CACNA1C: variants seen among roughly 807,000 people sequenced by gnomAD.
The protein encoded by CACNA1C is calcium voltage-gated channel subunit alpha1 C.
Under a neutral mutation model 229.0 loss-of-function variants are expected in CACNA1C, and 30 were observed. The observed-to-expected ratio is 0.13, with a 90% confidence interval of 0.10 to 0.18. CACNA1C has a LOEUF of 0.18. Among genes scored for constraint, CACNA1C ranks in the 10% least tolerant of loss-of-function variants. The pLI is 1.00. For missense variants in CACNA1C, 1,658 were observed against 2,845.0 expected, an observed-to-expected ratio of 0.58 and a Z score of 9.49; for synonymous variants, 1,114 against 1,132.5, an observed-to-expected ratio of 0.98 and a Z score of 0.33.
chr12:2,583,047 C>T, intron 15 of CACNA1C, 105 bp downstream of exon 15: 1 of 776,290 alleles, frequency 1.3e-6, no homozygotes, highest in East Asian at 2.7e-5. Flanking sequence ...TGCTCGGGCT[C>T]ACACCACCCA....
chr12:2,106,568 A>AGTG (rs2078767712), intron 1 of CACNA1C, among the ~76,000 whole-genome samples: 3 of 95,956 alleles, frequency 3.1e-5, no homozygotes, highest in East Asian at 3.8e-4. Context: ...TCAGCTGGGC[A>AGTG]TCCTGAAGCC....
At chr12:2,658,310 C>T (rs2095526609) in intron 34 of CACNA1C, among the ~76,000 whole-genome samples, 1 of 152,180 alleles carries the variant, frequency 6.6e-6, no homozygotes, top group Non-Finnish European at 1.5e-5. Flanking sequence ...AAAAATTTGG[C>T]ACTCTTCTTA....
rs553131760 is a variant in CACNA1C at position 2,433,311 on chromosome 12, C to T, written c.478-15665C>T. ...CAGGTGGTCCTACTCAGGGGCAGTC[C>T]CTCTTGTGGGGCCGCAGACCTGGAG... On this transcript the variant is annotated intron_variant, in intron 3 of 46. Coordinates refer to ENST00000399655, the MANE Select transcript of CACNA1C (RefSeq NM_000719.7). Among the ~76,000 whole-genome samples the T allele has an allele frequency of 2.0e-5, 3 of 152,268 alleles. No individual in the cohort carries two copies. In the South Asian group the frequency reaches 6.2e-4, roughly 32 times the overall value.
intron 3 of CACNA1C, among the ~76,000 whole-genome samples, chr12:2,164,689 G>A (rs2096116940): frequency 6.6e-6 from 1 of 152,176 alleles, no homozygotes; most frequent in Non-Finnish European, 1.5e-5. Flanking sequence ...CAGAGACTGG[G>A]GAATCAGACA....
intron 11 of CACNA1C, among the ~76,000 whole-genome samples, chr12:2,557,879 C>G (rs1310659941): frequency 6.6e-6 from 1 of 152,188 alleles, no homozygotes; most frequent in Non-Finnish European, 1.5e-5. Context: ...CAGTGCCTGT[C>G]CAGTGGTGAA....
intron 7 of CACNA1C, among the ~76,000 whole-genome samples, chr12:2,501,029 A>T (rs978299697): frequency 6.7e-6 from 1 of 149,530 alleles, no homozygotes; most frequent in African/African-American, 2.5e-5. Flanking sequence ...ACACGGTGAA[A>T]CCCCGTCTCT....
intron 1 of CACNA1C, among the ~76,000 whole-genome samples, chr12:1,979,211 G>C (rs548439492): frequency 1.3e-5 from 2 of 152,128 alleles, no homozygotes; most frequent in South Asian, 4.2e-4. Flanking sequence ...ATGGGGTTTC[G>C]CCATGTTGGC....
chr12:2,517,977 T>C (rs2099800878), intron 9 of CACNA1C, among the ~76,000 whole-genome samples: 1 of 152,186 alleles, frequency 6.6e-6, no homozygotes, highest in African/African-American at 2.4e-5. Flanking sequence ...AATACAGACA[T>C]TGATGTGGAT....
intron 1 of CACNA1C, among the ~76,000 whole-genome samples, chr12:2,065,644 A>T (rs895178734): frequency 6.6e-6 from 1 of 152,220 alleles, no homozygotes; most frequent in Non-Finnish European, 1.5e-5. Context: ...TGTTACAAGG[A>T]TATAAAGATA....
intron 1 of CACNA1C, among the ~76,000 whole-genome samples, chr12:2,036,793 C>A (rs1397713525): frequency 2.0e-5 from 3 of 152,136 alleles, no homozygotes; most frequent in Admixed American, 6.5e-5. Flanking sequence ...AAAGCAAATG[C>A]CCTAGGAAGG....
intron 1 of CACNA1C, among the ~76,000 whole-genome samples, chr12:2,076,513 C>G (rs999210279): frequency 2.0e-5 from 3 of 152,010 alleles, no homozygotes; most frequent in Non-Finnish European, 4.4e-5. Context: ...CCTACCTCCC[C>G]CCTCCCTTCC....
At chr12:2,588,254 C>G (rs1225477267) in intron 18 of CACNA1C, among the ~76,000 whole-genome samples, 1 of 152,238 alleles carries the variant, frequency 6.6e-6, no homozygotes, top group Non-Finnish European at 1.5e-5. Flanking sequence ...TGCTCCCAAC[C>G]GCTGCCCCTT....
intron 3 of CACNA1C, among the ~76,000 whole-genome samples, chr12:2,176,946 C>T (rs1415649090): frequency 2.0e-5 from 3 of 152,190 alleles, no homozygotes; most frequent in Non-Finnish European, 2.9e-5. Flanking sequence ...TTCCAGAACT[C>T]AGCATTTGTG....
At chr12:2,450,533 AAC>A (rs2099357856) in intron 4 of CACNA1C, among the ~76,000 whole-genome samples, 1 of 132,462 alleles carries the variant, frequency 7.5e-6, no homozygotes, top group South Asian at 2.4e-4. Flanking sequence ...CAGCCTGGGC[AAC>A]AGAGCGAGAC....
intron 1 of CACNA1C, among the ~76,000 whole-genome samples, chr12:2,071,172 C>CCCTTCCTG (rs1555115765): frequency 5.0e-4 from 8 of 16,042 alleles, no homozygotes; most frequent in African/African-American, 2.7e-3. Context: ...CTCCCTCCCT[C>CCCTTCCTG]CCTGCCTGCC....
At chr12:2,310,348 A>ATAT (rs1555425781) in intron 3 of CACNA1C, among the ~76,000 whole-genome samples, 16 of 135,240 alleles carry the variant, frequency 1.2e-4, no homozygotes, top group African/African-American at 4.8e-4. Flanking sequence ...CAGTTAAAAA[A>ATAT]AAAAATATAT....
chr12:2,549,816 G>A (rs1022637445), intron 9 of CACNA1C, 127 bp from the exon 10 acceptor site: 10 of 695,114 alleles, frequency 1.4e-5, no homozygotes, highest in African/African-American at 3.5e-5. Context: ...GCCAGCCAGC[G>A]TGCTCAGCCT....
chr12:1,974,189 G>T (rs1309565415), intron 1 of CACNA1C, among the ~76,000 whole-genome samples: 4 of 152,068 alleles, frequency 2.6e-5, no homozygotes, highest in African/African-American at 9.7e-5. Flanking sequence ...AATAACCCTT[G>T]TAATTGCTAA....
chr12:2,051,671 G>C (rs1180928219), upstream of CACNA1C, among the ~76,000 whole-genome samples: 3 of 152,190 alleles, frequency 2.0e-5, no homozygotes, highest in African/African-American at 2.4e-5. Context: ...GGAATGATGA[G>C]AGAAAGGAGT....
Sources: gnomAD v4.1 joint callset for allele counts (sites outside exome capture counted in the v4.1 genomes callset) on GRCh38, gnomAD v4.1.1 for gene constraint, MANE v1.5 for transcripts, NCBI Gene and HGNC (gene_info 2026-07-23, HGNC 2026-07-21) for gene names.